KDM3B: variants seen among roughly 807,000 people sequenced by gnomAD.
KDM3B encodes the protein lysine demethylase 3B, also known as lysine-specific demethylase 3B.
KDM3B carries 10 observed loss-of-function variants against 170.0 expected under a neutral mutation model. That is an observed-to-expected ratio of 0.06 (90% CI 0.04 to 0.10). The LOEUF is 0.10. Among genes scored for constraint, KDM3B ranks in the 10% least tolerant of loss-of-function variants. KDM3B has a pLI of 1.00. For synonymous variants in KDM3B, 831 were observed against 834.8 expected (o/e 1.00, Z 0.08); for missense variants, 1,394 against 2,195.2 (o/e 0.64, Z 7.29).
chr5:138,408,648 G>T (rs554609461), intron 11 of KDM3B, among the ~76,000 whole-genome samples: 1 of 152,180 alleles, frequency 6.6e-6, no homozygotes, highest in Admixed American at 6.6e-5. Flanking sequence ...TATCCATCAT[G>T]AACATAGATG....
chr5:138,426,310 C>A (rs937844995), intron 17 of KDM3B, among the ~76,000 whole-genome samples: 99 of 152,140 alleles, frequency 6.5e-4, no homozygotes, highest in African/African-American at 2.2e-3. Flanking sequence ...CACGGTGGCT[C>A]ACACCTGTAA....
chr5:138,387,509 C>T lies in KDM3B; in HGVS notation c.1380+888C>T, dbSNP rs143684789. Among the ~76,000 whole-genome samples the T allele has an allele frequency of 5.6e-4, 86 of 152,306 alleles. No homozygotes were observed. The East Asian group carries it at 0.016, about 28-fold the overall frequency. On this transcript the variant is annotated intron_variant, in intron 7 of 23. Transcript: ENST00000314358. ...TGAAACTCCTATTTGAAGGAGCTCACATCCTAAAACGGAATCATTTCAGAA... is the reference window on the plus strand; with the variant it reads ...TGAAACTCCTATTTGAAGGAGCTCATATCCTAAAACGGAATCATTTCAGAA...
chr5:138,426,433 G>A (rs1228436011), intron 17 of KDM3B, among the ~76,000 whole-genome samples: 2 of 151,638 alleles, frequency 1.3e-5, no homozygotes. Flanking sequence ...AAATTAGCCG[G>A]GCATGGTGGC....
At chr5:138,426,574 CAAA>C (rs566978034) in intron 17 of KDM3B, among the ~76,000 whole-genome samples, 3 of 69,190 alleles carry the variant, frequency 4.3e-5, no homozygotes, top group Non-Finnish European at 5.8e-5. Context: ...GACTCCATCT[CAAA>C]AAAAAAAAAA....
At chr5:138,397,045 A>G (rs1762564865) in intron 9 of KDM3B, among the ~76,000 whole-genome samples, 1 of 152,258 alleles carries the variant, frequency 6.6e-6, no homozygotes, top group Non-Finnish European at 1.5e-5. Flanking sequence ...AAAATGAAAA[A>G]TTAGGCCAGG....
chr5:138,396,542 AAG>A (rs1762551833), intron 9 of KDM3B, among the ~76,000 whole-genome samples: 1 of 152,164 alleles, frequency 6.6e-6, no homozygotes, highest in Admixed American at 6.6e-5. Flanking sequence ...TGATGTTGAA[AAG>A]AGAGGAGAGA....
intron 11 of KDM3B, among the ~76,000 whole-genome samples, chr5:138,413,439 A>G (rs1006591946): frequency 6.6e-5 from 10 of 151,980 alleles, no homozygotes; most frequent in African/African-American, 2.4e-4. Flanking sequence ...GTAGAAGTAG[A>G]CCTCTTAAAT....
chr5:138,393,285 G>A lies in KDM3B; in HGVS notation c.2744G>A (p.Arg915His). The A allele has an allele frequency of 1.2e-6, 2 of 1,614,192 alleles. No homozygotes were observed. The highest frequency in any genetic ancestry group is 1.7e-6 in the Non-Finnish European group (2 of 1,180,028). ...GTGGCACCTCATCTGCACAAGTGTC[G>A]TGAATGCCGCCTGGAGCGGTACCGG... ...INVAPHLHKCRECRLERYRKF... is the reference protein window; with the variant it reads ...INVAPHLHKCHECRLERYRKF... The change falls in exon 9 of 24, where the codon CGT becomes CAT. Residue 915 changes from arginine to histidine, a missense_variant. Around this residue, in one of 19 missense-constraint regions of KDM3B, gnomAD observed 76 missense variants for 190.2 expected, o/e 0.40. Coordinates refer to ENST00000314358, the MANE Select transcript of KDM3B (RefSeq NM_016604.4).
intron 9 of KDM3B, among the ~76,000 whole-genome samples, chr5:138,396,682 TGTC>T (rs1311581801): frequency 6.6e-6 from 1 of 151,964 alleles, no homozygotes; most frequent in African/African-American, 2.4e-5. Context: ...AGTGTGGTAG[TGTC>T]GTGGTGGGAG....
At chr5:138,382,887 A>G (rs1278083617) in intron 6 of KDM3B, among the ~76,000 whole-genome samples, 1 of 152,120 alleles carries the variant, frequency 6.6e-6, no homozygotes, top group Non-Finnish European at 1.5e-5. Flanking sequence ...TTGATCGTGT[A>G]TTGGTCCCCT....
chr5:138,353,868 T>C (rs557258568), intron 1 of KDM3B, among the ~76,000 whole-genome samples: 4 of 152,322 alleles, frequency 2.6e-5, no homozygotes, highest in African/African-American at 7.2e-5. Context: ...CGGTAAAATA[T>C]AGTGTTTGAG....
chr5:138,360,991 C>T (rs866440966), intron 1 of KDM3B, among the ~76,000 whole-genome samples: 18 of 152,154 alleles, frequency 1.2e-4, no homozygotes, highest in African/African-American at 3.9e-4. Context: ...TGGGTCTCTT[C>T]TCCAACTTGT....
intron 11 of KDM3B, among the ~76,000 whole-genome samples, chr5:138,400,740 C>T (rs1762662444): frequency 9.2e-6 from 1 of 108,862 alleles, no homozygotes; most frequent in Admixed American, 1.0e-4. Flanking sequence ...CAGAGTGAGA[C>T]CTGTCTAAAA....
intron 6 of KDM3B, among the ~76,000 whole-genome samples, chr5:138,385,140 G>C (rs1762226796): frequency 6.6e-6 from 1 of 151,932 alleles, no homozygotes; most frequent in South Asian, 2.1e-4. Context: ...TCCTGCATCA[G>C]CCTCCCCAAT....
chr5:138,407,725 T>C (rs1196862930), intron 11 of KDM3B, among the ~76,000 whole-genome samples: 2 of 152,156 alleles, frequency 1.3e-5, no homozygotes, highest in Non-Finnish European at 2.9e-5. Flanking sequence ...GAACCACACA[T>C]GGACGTGCCT....
intron 5 of KDM3B, among the ~76,000 whole-genome samples, chr5:138,379,927 A>C (rs1489174607): frequency 6.6e-6 from 1 of 152,196 alleles, no homozygotes; most frequent in Non-Finnish European, 1.5e-5. Context: ...CTGACCTTAC[A>C]ACACTGTTTT....
At chr5:138,386,713 G>A in intron 7 of KDM3B, 92 bp downstream of exon 7, 1 of 1,489,558 alleles carries the variant, frequency 6.7e-7, no homozygotes, top group Non-Finnish European at 9.1e-7. Flanking sequence ...AGTGCCCCAG[G>A]GAAGGAGTAT....
intron 10 of KDM3B, 112 bp downstream of exon 10, chr5:138,398,504 TTAAGACCGA>T: frequency 2.3e-6 from 2 of 854,190 alleles, no homozygotes; most frequent in South Asian, 3.3e-5. Flanking sequence ...TGTGAATGAA[TTAAGACCGA>T]TAAGACTTCT....
chr5:138,357,891 TG>T (rs2126903855), intron 1 of KDM3B, among the ~76,000 whole-genome samples: 1 of 152,086 alleles, frequency 6.6e-6, no homozygotes. Flanking sequence ...TTCGCCATGT[TG>T]GCCAGGCTGG....
Sources: allele counts gnomAD v4.1 joint callset (sites outside exome capture counted in the v4.1 genomes callset), GRCh38; gene constraint gnomAD v4.1.1; regional missense constraint gnomAD v4.1.1; transcripts MANE v1.5; gene names NCBI Gene and HGNC (gene_info 2026-07-23, HGNC 2026-07-21).